Variants in KCNK13 observed in about 807,000 individuals in gnomAD.
KCNK13 encodes potassium channel subfamily K member 13.
Under a neutral mutation model 23.4 loss-of-function variants are expected in KCNK13, and 12 were observed. That is an observed-to-expected ratio of 0.51 (90% CI 0.33 to 0.83). KCNK13 has a LOEUF of 0.83. Among genes scored for constraint, KCNK13 ranks in the 40% least tolerant of loss-of-function variants. The probability of loss-of-function intolerance (pLI) is 0.02; values close to 1 mark genes in which losing one functional copy is unlikely to be tolerated. For synonymous variants in KCNK13, 231 were observed against 229.5 expected (o/e 1.01, Z -0.06); for missense variants, 463 against 556.3 (o/e 0.83, Z 1.69).
intron 1 of KCNK13, among the ~76,000 whole-genome samples, chr14:90,092,202 G>A (rs1416740043): frequency 5.3e-5 from 8 of 152,276 alleles, no homozygotes; most frequent in South Asian, 4.1e-4. Context: ...GATTATAGGC[G>A]TGAGCCACCG....
At chr14:90,111,397 G>A (rs1242366145) in intron 1 of KCNK13, among the ~76,000 whole-genome samples, 1 of 152,166 alleles carries the variant, frequency 6.6e-6, no homozygotes, top group Admixed American at 6.5e-5. Flanking sequence ...ACACAGAGAA[G>A]AGGACCTCTC....
intron 1 of KCNK13, among the ~76,000 whole-genome samples, chr14:90,094,906 CAAAATGCTGGG>C (rs1455118247): frequency 1.3e-5 from 2 of 152,166 alleles, no homozygotes; most frequent in African/African-American, 4.8e-5. Context: ...CTCGGCCTCC[CAAAATGCTGGG>C]ATTACAGGCG....
chr14:90,093,899 C>T (rs1233292019), intron 1 of KCNK13, among the ~76,000 whole-genome samples: 5 of 152,340 alleles, frequency 3.3e-5, no homozygotes, highest in Non-Finnish European at 7.4e-5. Flanking sequence ...AAGTGCCTAG[C>T]ATTTGGTAAT....
intron 1 of KCNK13, among the ~76,000 whole-genome samples, chr14:90,077,664 T>C (rs1889156656): frequency 6.6e-6 from 1 of 152,280 alleles, no homozygotes; most frequent in Non-Finnish European, 1.5e-5. Context: ...CAGCAGATAC[T>C]ATTTCAGCAG....
intron 1 of KCNK13, among the ~76,000 whole-genome samples, chr14:90,149,216 C>T (rs566988365): frequency 1.3e-5 from 2 of 152,200 alleles, no homozygotes; most frequent in South Asian, 4.1e-4. Context: ...ATTAGCCAGG[C>T]ATGGTGGTGC....
chr14:90,179,042 A>G (rs1272668849), intron 1 of KCNK13, among the ~76,000 whole-genome samples: 1 of 152,240 alleles, frequency 6.6e-6, no homozygotes, highest in African/African-American at 2.4e-5. Flanking sequence ...ATTATTTGAT[A>G]TTAAGGAATT....
intron 1 of KCNK13, among the ~76,000 whole-genome samples, chr14:90,151,381 G>A (rs1017943174): frequency 2.6e-5 from 4 of 152,154 alleles, no homozygotes; most frequent in Non-Finnish European, 5.9e-5. Flanking sequence ...TTTCCCTGAT[G>A]ATTAGTGATG....
chr14:90,136,280 C>T (rs1395631606), intron 1 of KCNK13, among the ~76,000 whole-genome samples: 4 of 152,150 alleles, frequency 2.6e-5, no homozygotes, highest in Admixed American at 6.5e-5. Flanking sequence ...GTCTATTTTA[C>T]AGGTCTTCCA....
chr14:90,108,484 C>T (rs765931149), intron 1 of KCNK13, among the ~76,000 whole-genome samples: 1 of 152,122 alleles, frequency 6.6e-6, no homozygotes, highest in Non-Finnish European at 1.5e-5. Context: ...TTCTTTCAAA[C>T]GACTGCATCT....
intron 1 of KCNK13, chr14:90,108,122 T>G (rs887339192): frequency 2.3e-5 from 9 of 398,442 alleles, no homozygotes; most frequent in African/African-American, 1.9e-4. Context: ...GCCTCAGTAT[T>G]TAAAAGTGGA....
intron 1 of KCNK13, among the ~76,000 whole-genome samples, chr14:90,131,981 A>G (rs1889880220): frequency 6.6e-6 from 1 of 152,242 alleles, no homozygotes; most frequent in East Asian, 1.9e-4. Context: ...TTATACATCC[A>G]TGTTCACAGC....
chr14:90,156,209 A>C (rs921826692), intron 1 of KCNK13, among the ~76,000 whole-genome samples: 8 of 151,696 alleles, frequency 5.3e-5, no homozygotes, highest in South Asian at 2.1e-4. Context: ...TGGCCAAAAA[A>C]AAAAAAAACC....
intron 1 of KCNK13, among the ~76,000 whole-genome samples, chr14:90,109,802 G>A (rs917409039): frequency 1.9e-4 from 29 of 151,376 alleles, no homozygotes; most frequent in African/African-American, 7.0e-4. Flanking sequence ...TCAGCCTCCC[G>A]GGCTCAGGTG....
At chr14:90,080,758 G>A (rs1356026296) in intron 1 of KCNK13, among the ~76,000 whole-genome samples, 1 of 152,096 alleles carries the variant, frequency 6.6e-6, no homozygotes, top group African/African-American at 2.4e-5. Context: ...ACCTGTTTTG[G>A]ATTCCCCAGG....
chr14:90,077,266 C>G (rs900745083), intron 1 of KCNK13, among the ~76,000 whole-genome samples: 16 of 151,722 alleles, frequency 1.1e-4, no homozygotes, highest in African/African-American at 3.9e-4. Flanking sequence ...ATTACAGGCA[C>G]TCACCACCAC....
At chr14:90,100,786 G>A (rs1050578048) in intron 1 of KCNK13, among the ~76,000 whole-genome samples, 5 of 152,046 alleles carry the variant, frequency 3.3e-5, no homozygotes, top group African/African-American at 9.7e-5. Context: ...CCAACTCTTG[G>A]GCTCAGGTGA....
At chr14:90,165,527 G>A (rs992263367) in intron 1 of KCNK13, among the ~76,000 whole-genome samples, 1 of 152,188 alleles carries the variant, frequency 6.6e-6, no homozygotes, top group Non-Finnish European at 1.5e-5. Flanking sequence ...TCACGTTGAA[G>A]AAAAGGCACA....
At chr14:90,167,551 G>T (rs1890317278) in intron 1 of KCNK13, among the ~76,000 whole-genome samples, 1 of 152,152 alleles carries the variant, frequency 6.6e-6, no homozygotes, top group African/African-American at 2.4e-5. Context: ...TTGTAGGTAA[G>T]GCTCAGGAAT....
At chr14:90,159,718 G>GTT (rs1890231558) in intron 1 of KCNK13, among the ~76,000 whole-genome samples, 1 of 152,178 alleles carries the variant, frequency 6.6e-6, no homozygotes. Flanking sequence ...AAAGTCCTAC[G>GTT]AGGGTGGTAC....
Sources: allele counts gnomAD v4.1 joint callset (sites outside exome capture counted in the v4.1 genomes callset), GRCh38; gene constraint gnomAD v4.1.1; transcripts MANE v1.5; gene names NCBI Gene and HGNC (gene_info 2026-07-23, HGNC 2026-07-21).